The following NKD1 variants were observed in gnomAD, a reference collection of about 807,000 sequenced individuals.
NKD1 encodes the protein protein naked cuticle homolog 1.
A neutral mutation model predicts 56.0 loss-of-function variants in NKD1; 21 were observed. The observed-to-expected ratio is 0.38, with a 90% confidence interval of 0.27 to 0.54. The LOEUF is 0.54. NKD1 is among the 20% of genes least tolerant of loss of function. The probability of loss-of-function intolerance (pLI) is 0.82; values close to 1 mark genes in which losing one functional copy is unlikely to be tolerated. For missense variants in NKD1, 578 were observed against 642.7 expected (o/e 0.90, Z 1.09); for synonymous variants, 263 against 265.7 (o/e 0.99, Z 0.10).
chr16:50,645,012 G>A lies in NKD1; in HGVS notation c.*11231G>A, dbSNP rs1245650001. The A allele has an allele frequency of 6.6e-6, 1 of 152,290 alleles. No homozygotes were observed. The highest frequency in any genetic ancestry group is 1.5e-5 in the Non-Finnish European group (1 of 68,066). 9.4% of individuals were successfully genotyped at this position (152,290 alleles called of 1,614,324 possible). ...GCAAGACGTGGGCAGAGCAAAGAGA[G>A]ACCCACACTTGGCACTTCCTGCCCA... On this transcript the variant is annotated 3_prime_UTR_variant, in exon 10 of 10. Coordinates refer to ENST00000268459, the MANE Select transcript of NKD1 (RefSeq NM_033119.5).
At chr16:50,579,171 T>A (rs1961054170) in intron 3 of NKD1, among the ~76,000 whole-genome samples, 1 of 150,654 alleles carries the variant, frequency 6.6e-6, no homozygotes, top group Non-Finnish European at 1.5e-5. Context: ...CAGCCACACA[T>A]GCACTGTCTT....
intron 3 of NKD1, among the ~76,000 whole-genome samples, chr16:50,569,161 A>G (rs912935891): frequency 2.6e-5 from 4 of 152,208 alleles, no homozygotes; most frequent in African/African-American, 9.7e-5. Context: ...TTCCGCTGAC[A>G]TTATAGTCTA....
At chr16:50,607,312 G>C (rs192181838) in intron 3 of NKD1, 1 of 209,748 alleles carries the variant, frequency 4.8e-6, no homozygotes, top group East Asian at 1.1e-4. Flanking sequence ...TCAAGAAGAG[G>C]ACTGGTTTTT....
rs1316887765 is a variant in NKD1 at position 50,598,737 on chromosome 16, CTAGT to C, written c.193-9556_193-9553del. Among the ~76,000 whole-genome samples the C allele has an allele frequency of 1.3e-5, 2 of 152,112 alleles. 1 individual carries two copies. The highest frequency in any genetic ancestry group is 4.1e-4 in the South Asian group (2 of 4,820). On this transcript the variant is annotated intron_variant, in intron 3 of 9. Coordinates refer to ENST00000268459, the MANE Select transcript of NKD1 (RefSeq NM_033119.5). The surrounding 1 kb of genome is among the most constrained non-coding windows in gnomAD (Gnocchi z 4.2). The stretch of plus-strand genomic sequence containing the variant: ...GTGGCGTGGCGGGCCAGTGGCTGGG[CTAGT>C]CAGCAGTGTGGCAGGTGGTGGCATG...
Position 50,632,961 on chromosome 16 carries a change from C to T in NKD1, c.824-231C>T, listed in dbSNP as rs1249261525. ...CTCTGCTGCCATCTGTCTTTCTCGG[C>T]TCCCTCTCGGAGAGTATTTTTGAAG... On this transcript the variant is annotated intron_variant, in intron 9 of 9. Transcript: ENST00000268459. The surrounding 1 kb of genome is among the most constrained non-coding windows in gnomAD (Gnocchi z 4.1). Among the ~76,000 whole-genome samples the T allele has an allele frequency of 1.3e-5, 2 of 152,144 alleles. No homozygotes were observed. Among genetic ancestry groups the T allele is most frequent in the Admixed American group, 1.3e-4 (2 of 15,270 alleles).
At chr16:50,628,144 G>A (rs1371265044) in intron 6 of NKD1, among the ~76,000 whole-genome samples, 1 of 152,162 alleles carries the variant, frequency 6.6e-6, no homozygotes, top group African/African-American at 2.4e-5. Flanking sequence ...GCCCCCAGAT[G>A]TTCTGGTCTG....
chr16:50,621,131 C>T (rs977347209), intron 4 of NKD1, among the ~76,000 whole-genome samples: 1 of 152,276 alleles, frequency 6.6e-6, no homozygotes, highest in African/African-American at 2.4e-5. Flanking sequence ...GTTTCTGGCA[C>T]TCCTCCTGGC....
intron 3 of NKD1, chr16:50,575,228 G>A (rs1408646202): frequency 2.0e-6 from 2 of 985,410 alleles, no homozygotes; most frequent in Non-Finnish European, 2.4e-6. Context: ...TTAACTAGGG[G>A]CTGAGAGATA....
intron 3 of NKD1, among the ~76,000 whole-genome samples, chr16:50,576,113 G>C (rs1225603236): frequency 2.0e-5 from 3 of 152,232 alleles, no homozygotes; most frequent in African/African-American, 4.8e-5. Context: ...AGAATTGATT[G>C]CTAGCTTCTT....
chr16:50,633,250 A>C lies in NKD1; in HGVS notation c.882A>C (p.Arg294=). The change falls in exon 10 of 10, where the codon CGA becomes CGC. Residue 294 remains arginine (R), a synonymous_variant. Transcript: ENST00000268459. This position sits in a 1 kb window ranked among gnomAD's most constrained non-coding sequence, Gnocchi z 4.9. ...ELPPRTSNPT[R]SRSHEPEAIH... Reference sequence around the variant, plus strand: ...CCCCCCGCACCTCCAATCCCACTCGATCTCGCTCCCATGAGCCGGAAGCCA... The same window carrying C: ...CCCCCCGCACCTCCAATCCCACTCGCTCTCGCTCCCATGAGCCGGAAGCCA... The C allele has an allele frequency of 4.3e-6, 7 of 1,613,688 alleles. No homozygotes were observed. The highest frequency in any genetic ancestry group is 5.1e-6 in the Non-Finnish European group (6 of 1,179,848).
intron 3 of NKD1, among the ~76,000 whole-genome samples, chr16:50,564,722 C>A (rs1440737516): frequency 6.6e-6 from 1 of 152,194 alleles, no homozygotes; most frequent in Non-Finnish European, 1.5e-5. Flanking sequence ...GTCCCCACCT[C>A]TTTTATGGAG....
intron 3 of NKD1, chr16:50,556,838 T>C (rs909479731): frequency 6.6e-6 from 1 of 151,846 alleles, no homozygotes; most frequent in Non-Finnish European, 1.5e-5. Flanking sequence ...CCTCCCAAAG[T>C]GCTGGGATTG....
intron 3 of NKD1, among the ~76,000 whole-genome samples, chr16:50,563,608 T>C (rs1416340530): frequency 2.2e-5 from 3 of 136,544 alleles, no homozygotes; most frequent in Non-Finnish European, 1.6e-5. Flanking sequence ...CAGCCCTGGA[T>C]GCATGGAGAA....
At chr16:50,595,669 T>TTGGGTGAGGTACAAGTGTGA (rs1164530671) in intron 3 of NKD1, among the ~76,000 whole-genome samples, 2 of 152,164 alleles carry the variant, frequency 1.3e-5, no homozygotes, top group Non-Finnish European at 2.9e-5. Flanking sequence ...CCTGGGGTTG[T>TTGGGTGAGGTACAAGTGTGA]TGGGTGAGGT....
rs561974072 is a variant in NKD1, at chr16:50,647,385, T to G, written c.*13604T>G. On this transcript the variant is annotated 3_prime_UTR_variant, in exon 10 of 10. Transcript: ENST00000268459. ...ACAGAGAGTGCTGGGTCCTTGGGAA[T>G]GATGTTGAGCAAGCACTTATACATG... The G allele has an allele frequency of 6.6e-6, 1 of 152,312 alleles. No homozygotes were observed. The highest frequency in any genetic ancestry group is 1.9e-4 in the East Asian group (1 of 5,180). 9.4% of individuals were successfully genotyped at this position (152,312 alleles called of 1,614,324 possible).
chr16:50,606,504 C>G, intron 3 of NKD1: 1 of 332,804 alleles, frequency 3.0e-6, no homozygotes, highest in Non-Finnish European at 6.0e-6. Flanking sequence ...CTGAGTGTGT[C>G]AGAGAGCTTG....
intron 3 of NKD1, among the ~76,000 whole-genome samples, chr16:50,580,287 C>T (rs2151268990): frequency 6.6e-6 from 1 of 152,382 alleles, no homozygotes; most frequent in East Asian, 1.9e-4. Context: ...ATTCTGGCCT[C>T]ACACTGTGTG....
chr16:50,601,327 A>T (rs1961590636), intron 3 of NKD1, among the ~76,000 whole-genome samples: 1 of 145,394 alleles, frequency 6.9e-6, no homozygotes, highest in African/African-American at 2.5e-5. Flanking sequence ...CCCAACCTGA[A>T]TTGCTGGAAG....
At chr16:50,561,172 A>T (rs985862902) in intron 3 of NKD1, among the ~76,000 whole-genome samples, 1 of 152,094 alleles carries the variant, frequency 6.6e-6, no homozygotes, top group Non-Finnish European at 1.5e-5. Context: ...GGGGGGGCCC[A>T]TGGCTTCTCC....
Sources: allele counts gnomAD v4.1 joint callset (sites outside exome capture counted in the v4.1 genomes callset), GRCh38; gene constraint gnomAD v4.1.1; non-coding constraint Gnocchi (gnomAD v3.1); transcripts MANE v1.5; gene names NCBI Gene and HGNC (gene_info 2026-07-23, HGNC 2026-07-21).